Variants in CNTN4 observed in about 807,000 individuals in gnomAD.
CNTN4 encodes contactin 4.
Under a neutral mutation model 122.5 loss-of-function variants are expected in CNTN4, and 77 were observed. The observed-to-expected ratio is 0.63, with a 90% CI of 0.52 to 0.76. The LOEUF (loss-of-function observed/expected upper bound fraction) is 0.76, where lower values mean the gene tolerates loss of function less well. Ranked by LOEUF, CNTN4 falls within the 30% of genes least tolerant of loss-of-function variation. The pLI is 0.00. For synonymous variants in CNTN4, 512 were observed against 447.0 expected, an observed-to-expected ratio of 1.15 and a Z score of -1.83; for missense variants, 1,256 against 1,259.1, an observed-to-expected ratio of 1.00 and a Z score of 0.04.
intron 2 of CNTN4, among the ~76,000 whole-genome samples, chr3:2,120,368 T>TATAAAA (rs1553568218): frequency 2.0e-5 from 1 of 49,206 alleles, no homozygotes; most frequent in African/African-American, 6.2e-5. Context: ...TATATATATA[T>TATAAAA]ATATAAATAT....
At chr3:2,706,378 A>T (rs2086738399) in intron 4 of CNTN4, among the ~76,000 whole-genome samples, 1 of 152,096 alleles carries the variant, frequency 6.6e-6, no homozygotes, top group South Asian at 2.1e-4. Context: ...ATGCATGAGG[A>T]TGTCTTGTTA....
At chr3:2,629,564 C>T (rs1406585821) in intron 4 of CNTN4, 6 of 452,898 alleles carry the variant, frequency 1.3e-5, no homozygotes, top group Non-Finnish European at 2.2e-5. Flanking sequence ...GGGGGTGCTG[C>T]CAGCCTTGGA....
intron 3 of CNTN4, among the ~76,000 whole-genome samples, chr3:2,481,033 T>TTTCTTTCTTTCTTTCTTTC (rs2075979022): frequency 3.3e-5 from 4 of 120,076 alleles, no homozygotes; most frequent in East Asian, 2.2e-4. Context: ...TTTCTTTTTC[T>TTTCTTTCTTTCTTTCTTTC]TTTCTTTCTT....
chr3:2,286,883 A>G (rs1031067716), intron 2 of CNTN4, among the ~76,000 whole-genome samples: 1 of 152,216 alleles, frequency 6.6e-6, no homozygotes, highest in Non-Finnish European at 1.5e-5. Context: ...CAAGCATGGC[A>G]TCATTATATA....
At chr3:2,449,153 T>C (rs2048733310) in intron 3 of CNTN4, among the ~76,000 whole-genome samples, 2 of 152,148 alleles carry the variant, frequency 1.3e-5, no homozygotes, top group Admixed American at 6.5e-5. Flanking sequence ...TTGGAGCATG[T>C]TGGATTTAAA....
chr3:2,705,844 A>ATATATAATAAATATATATAATATATAT (rs2086682532), intron 4 of CNTN4, among the ~76,000 whole-genome samples: 1 of 101,324 alleles, frequency 9.9e-6, no homozygotes, highest in South Asian at 2.9e-4. Flanking sequence ...ATAATATATA[A>ATATATAATAAATATATATAATATATAT]TATATAATAT....
chr3:2,939,652 G>C (rs2151491037), intron 13 of CNTN4, among the ~76,000 whole-genome samples: 1 of 152,306 alleles, frequency 6.6e-6, no homozygotes, highest in East Asian at 1.9e-4. Context: ...ATTCCTCCAA[G>C]CAAGATCACT....
intron 2 of CNTN4, among the ~76,000 whole-genome samples, chr3:2,296,436 GC>G (rs2042313966): frequency 6.6e-6 from 1 of 152,080 alleles, no homozygotes; most frequent in Admixed American, 6.5e-5. Flanking sequence ...TCTCTTTGAA[GC>G]AATTTAATTA....
At chr3:2,370,371 A>G (rs1164670115) in intron 3 of CNTN4, among the ~76,000 whole-genome samples, 1 of 152,216 alleles carries the variant, frequency 6.6e-6, no homozygotes, top group Non-Finnish European at 1.5e-5. Flanking sequence ...GTTTTCCTGA[A>G]ATCATAAAAT....
chr3:2,365,043 A>C (rs1203135075), intron 3 of CNTN4, among the ~76,000 whole-genome samples: 1 of 152,168 alleles, frequency 6.6e-6, no homozygotes, highest in African/African-American at 2.4e-5. Flanking sequence ...CTGGTAACTT[A>C]AGTACGTTTC....
chr3:2,193,388 A>G (rs1490110946), intron 2 of CNTN4, among the ~76,000 whole-genome samples: 1 of 152,164 alleles, frequency 6.6e-6, no homozygotes, highest in Non-Finnish European at 1.5e-5. Flanking sequence ...CATCAGGGTG[A>G]TAGAAGGGAC....
chr3:2,506,226 T>C (rs929280588), intron 3 of CNTN4, among the ~76,000 whole-genome samples: 3 of 152,194 alleles, frequency 2.0e-5, no homozygotes, highest in African/African-American at 7.2e-5. Flanking sequence ...CTTTTCATAG[T>C]TGATGGAAGT....
intron 7 of CNTN4, among the ~76,000 whole-genome samples, chr3:2,842,562 G>C (rs772892616): frequency 1.3e-5 from 2 of 152,038 alleles, no homozygotes; most frequent in Non-Finnish European, 2.9e-5. Flanking sequence ...CTCCTCTTAC[G>C]GCAAAACTGC....
chr3:2,271,490 A>T (rs1036566516), intron 2 of CNTN4, among the ~76,000 whole-genome samples: 3 of 152,108 alleles, frequency 2.0e-5, no homozygotes, highest in Non-Finnish European at 4.4e-5. Flanking sequence ...TTCATTTGTT[A>T]AATAGGGATA....
At position 2,348,246 on chromosome 3, in the gene CNTN4, G is replaced by A. The variant is rs529524577; in HGVS notation, c.-89+9013G>A. On this transcript the variant is annotated intron_variant, in intron 3 of 24. Transcript: ENST00000418658. ...AATTAGATCATATACTTAACGCTTG[G>A]CCCAGCCGTGAGGTTTTTATTTCTT... 2.3e-4 allele frequency among the ~76,000 whole-genome samples: 35 copies of A among 152,236 alleles called. 2 individuals are homozygous for A. In the South Asian group the frequency reaches 6.6e-3, roughly 29 times the overall value.
chr3:2,282,257 G>A lies in CNTN4; in HGVS notation c.-144-56921G>A, dbSNP rs74527182. ...TTATAAAATTACTGAAAATGTATCA[G>A]TGATGACAAATATTTAATGATTGGT... is the stretch of plus-strand genomic sequence containing the variant. On this transcript the variant is annotated intron_variant, in intron 2 of 24. Transcript: ENST00000418658. Among the ~76,000 whole-genome samples the A allele has an allele frequency of 6.5e-3, 987 of 152,218 alleles. 14 individuals carry two copies. Among genetic ancestry groups the A allele is most frequent in the African/African-American group, 0.023 (950 of 41,548 alleles).
rs151317124 is a variant in CNTN4, at chr3:2,348,253, C to T, written c.-89+9020C>T. Among the ~76,000 whole-genome samples the T allele has an allele frequency of 5.7e-3, 875 of 152,254 alleles. 7 individuals carry two copies. Among genetic ancestry groups the T allele is most frequent in the Non-Finnish European group, 8.5e-3 (577 of 68,024 alleles). ...TCATATACTTAACGCTTGGCCCAGCCGTGAGGTTTTTATTTCTTATAGGGG... is the reference window on the plus strand; with the variant it reads ...TCATATACTTAACGCTTGGCCCAGCTGTGAGGTTTTTATTTCTTATAGGGG... On this transcript the variant is annotated intron_variant, in intron 3 of 24. Coordinates refer to ENST00000418658, the MANE Select transcript of CNTN4 (RefSeq NM_175607.3).
chr3:2,612,183 G>A (rs1214592454), intron 4 of CNTN4, among the ~76,000 whole-genome samples: 3 of 151,358 alleles, frequency 2.0e-5, no homozygotes, highest in Non-Finnish European at 2.9e-5. Context: ...GTTACATCCC[G>A]ATAAACCCAT....
At chr3:3,009,621 G>T (rs1390586867) in intron 14 of CNTN4, among the ~76,000 whole-genome samples, 18 of 152,022 alleles carry the variant, frequency 1.2e-4, no homozygotes, top group African/African-American at 4.3e-4. Context: ...TTTTAGTAGA[G>T]ACGGGGTTTC....
Sources: gnomAD v4.1 joint callset for allele counts (sites outside exome capture counted in the v4.1 genomes callset) on GRCh38, gnomAD v4.1.1 for gene constraint, MANE v1.5 for transcripts, NCBI Gene and HGNC (gene_info 2026-07-23, HGNC 2026-07-21) for gene names.